The following DDX39B variants were observed in gnomAD, a reference collection of about 807,000 sequenced individuals.
The protein encoded by DDX39B is spliceosome RNA helicase DDX39B.
A neutral mutation model predicts 46.4 loss-of-function variants in DDX39B; 6 were observed. That is an observed-to-expected ratio of 0.13 (90% CI 0.07 to 0.26). The LOEUF (loss-of-function observed/expected upper bound fraction) is 0.26. DDX39B is among the 10% of genes least tolerant of loss of function. The probability of loss-of-function intolerance (pLI) is 1.00; values close to 1 mark genes in which losing one functional copy is unlikely to be tolerated. For missense variants in DDX39B, 185 were observed against 553.4 expected (o/e 0.33, Z 6.68); for synonymous variants, 174 against 199.4 (o/e 0.87, Z 1.07).
In DDX39B at chr6:31,531,672, A is replaced by C. The variant is rs924951102; in HGVS notation, c.868-267T>G. On this transcript the variant is annotated intron_variant, in intron 7 of 10. Coordinates refer to ENST00000396172, the MANE Select transcript of DDX39B (RefSeq NM_004640.7). The surrounding 1 kb of genome is among the most constrained non-coding windows in gnomAD (Gnocchi z 5.8). ...AGACATGCTAGGAGATGAGGATGAGATCACCTCATGAAAAAGTGATAAAAA... is the reference window on the plus strand; with the variant it reads ...AGACATGCTAGGAGATGAGGATGAGCTCACCTCATGAAAAAGTGATAAAAA... 4 of 489,818 alleles carry C rather than the reference A, an allele frequency of 8.2e-6. No homozygotes were observed. Among genetic ancestry groups the C allele is most frequent in the Non-Finnish European group, 1.4e-5 (4 of 277,306 alleles). The allele number at this position is 489,818 out of a possible 1,614,324, so 30.3% of individuals were successfully genotyped here. A position where few individuals can be genotyped will look rare whatever the true frequency, so the allele number is the denominator to read the frequency against.
chr6:31,537,208 T>C (rs1240783439), intron 4 of DDX39B, among the ~76,000 whole-genome samples: 1 of 152,162 alleles, frequency 6.6e-6, no homozygotes, highest in Non-Finnish European at 1.5e-5. Context: ...AGTGGATCAC[T>C]TGAAGCCAGG....
Position 31,530,332 on chromosome 6 carries a change from G to C in DDX39B, c.*102C>G. On this transcript the variant is annotated 3_prime_UTR_variant, in exon 11 of 11. Coordinates refer to ENST00000396172, the MANE Select transcript of DDX39B (RefSeq NM_004640.7). The surrounding 1 kb of genome is among the most constrained non-coding windows in gnomAD (Gnocchi z 4.5). Reference sequence around the variant, plus strand: ...GTGATGCAAAAGATGGAAGCCATGGGGTGGGGGCTGTCAGGGGTGGGGGCA... The same window carrying C: ...GTGATGCAAAAGATGGAAGCCATGGCGTGGGGGCTGTCAGGGGTGGGGGCA... The C allele has an allele frequency of 7.2e-7, 1 of 1,386,188 alleles. No individual in the cohort carries two copies. The highest frequency in any genetic ancestry group is 1.0e-6 in the Non-Finnish European group (1 of 999,810). The allele number at this position is 1,386,188 out of a possible 1,614,324, so 85.9% of individuals were successfully genotyped here. A position where few individuals can be genotyped will look rare whatever the true frequency, so the allele number is the denominator to read the frequency against.
chr6:31,532,326 T>C (rs1168557337), intron 7 of DDX39B: 1 of 158,608 alleles, frequency 6.3e-6, no homozygotes, highest in East Asian at 1.9e-4. Flanking sequence ...GCAGCCTCAA[T>C]TTCCTGGGCT....
In DDX39B at chr6:31,535,527, G is replaced by C. The variant is rs1021311483; in HGVS notation, c.617-42C>G. On this transcript the variant is annotated intron_variant, in intron 5 of 10. Coordinates refer to ENST00000396172, the MANE Select transcript of DDX39B (RefSeq NM_004640.7). The surrounding 1 kb of genome is among the most constrained non-coding windows in gnomAD (Gnocchi z 4.6). Reference sequence around the variant, plus strand: ...AAAAATTGTAGGAGAAAATAAGCAGGTATGATAAACAAAGATTAGAGGTAG... The same window carrying C: ...AAAAATTGTAGGAGAAAATAAGCAGCTATGATAAACAAAGATTAGAGGTAG... 4 of 1,530,772 alleles carry C rather than the reference G, an allele frequency of 2.6e-6. No homozygotes were observed. In the Admixed American group the frequency reaches 5.1e-5, roughly 19 times the overall value. The allele number at this position is 1,530,772 out of a possible 1,614,324, so 94.8% of individuals were successfully genotyped here.
chr6:31,540,268 G>A, intron 2 of DDX39B, 54 bp downstream of exon 2: 2 of 1,568,222 alleles, frequency 1.3e-6, no homozygotes, highest in East Asian at 2.2e-5. Flanking sequence ...ACACATCTTT[G>A]TATTGTACCC....
intron 1 of DDX39B, chr6:31,540,943 G>A (rs1768349053): frequency 7.2e-6 from 3 of 415,628 alleles, no homozygotes; most frequent in South Asian, 6.0e-5. Context: ...TGATCTGAAA[G>A]TAACAGTGAG....
rs373156900 is a variant in DDX39B at position 31,536,395 on chromosome 6, G to A, written c.616+105C>T. 2.2e-4 allele frequency: 340 copies of A among 1,520,278 alleles called. 1 individual carries two copies. The highest frequency in any genetic ancestry group is 2.7e-4 in the South Asian group (24 of 88,946). The allele number at this position is 1,520,278 out of a possible 1,614,324, so 94.2% of individuals were successfully genotyped here. The stretch of plus-strand genomic sequence containing the variant: ...CCAGAGCCATCAGTCATGGGTGATA[G>A]ATAAGAGTCGTCCTTGCACTGAGGT... On this transcript the variant is annotated intron_variant, in intron 5 of 10. Transcript: ENST00000396172.
intron 3 of DDX39B, 24 bp downstream of exon 3, chr6:31,539,123 C>T (rs1157102429): frequency 2.5e-6 from 4 of 1,613,158 alleles, no homozygotes; most frequent in Admixed American, 3.3e-5. Flanking sequence ...AAAATCCCCT[C>T]CCCAGCACTC....
chr6:31,541,590 G>A (rs774870237), intron 1 of DDX39B: 1 of 469,120 alleles, frequency 2.1e-6, no homozygotes, highest in African/African-American at 2.0e-5. Flanking sequence ...AAGAGCTCAA[G>A]AAAGGACAAG....
intron 1 of DDX39B, chr6:31,541,324 C>T (rs1368995362): frequency 2.4e-6 from 1 of 417,550 alleles, no homozygotes; most frequent in African/African-American, 2.1e-5. Context: ...TTCATGTCTC[C>T]ACCCTACAAT....
chr6:31,535,069 ATCCTGCCCTCCCCC>A lies in DDX39B; in HGVS notation c.735+284_735+297del. ...GATGGGTGGGTGGTAGGGCAGAAAA[ATCCTGCCCTCCCCC>A]AAAGGGAGAAGAGGTTCAAAAATGT... On this transcript the variant is annotated intron_variant, in intron 6 of 10. Transcript: ENST00000396172. This position sits in a 1 kb window ranked among gnomAD's most constrained non-coding sequence, Gnocchi z 4.6. 1 of 451,134 alleles carries A rather than the reference ATCCTGCCCTCCCCC, an allele frequency of 2.2e-6. No individual in the cohort carries two copies. The highest frequency in any genetic ancestry group is 4.1e-5 in the East Asian group (1 of 24,276). 27.9% of individuals were successfully genotyped at this position (451,134 alleles called of 1,614,324 possible).
At chr6:31,537,126 T>G (rs1767872409) in intron 4 of DDX39B, among the ~76,000 whole-genome samples, 1 of 150,684 alleles carries the variant, frequency 6.6e-6, no homozygotes, top group Non-Finnish European at 1.5e-5. Flanking sequence ...AGAAATAAAA[T>G]AAATAAAAAT....
At chr6:31,540,295 G>A (rs1024212444) in intron 2 of DDX39B, 27 bp downstream of exon 2, 2 of 1,609,270 alleles carry the variant, frequency 1.2e-6, no homozygotes, top group Non-Finnish European at 1.7e-6. Flanking sequence ...AGCCCAATGA[G>A]CACTACATGC....
At position 31,531,408 on chromosome 6, in the gene DDX39B, G is replaced by A. The variant is rs780675216; in HGVS notation, c.868-3C>T. ...ACAGACTTCACAAAGATCACCACCT[G>A]TTGTGGGGTGGGGTGGGGGGTCGCA... On this transcript the variant is annotated splice_region_variant and splice_polypyrimidine_tract_variant and intron_variant, in intron 7 of 10. Coordinates refer to ENST00000396172, the MANE Select transcript of DDX39B (RefSeq NM_004640.7). This position sits in a 1 kb window ranked among gnomAD's most constrained non-coding sequence, Gnocchi z 5.8. The A allele has an allele frequency of 3.8e-5, 61 of 1,613,846 alleles. No homozygotes were observed. Among genetic ancestry groups the A allele is most frequent in the Admixed American group, 1.7e-4 (10 of 59,992 alleles).
chr6:31,536,355 G>A (rs1333215047), intron 5 of DDX39B, 145 bp downstream of exon 5: 12 of 1,184,876 alleles, frequency 1.0e-5, no homozygotes, highest in Non-Finnish European at 1.5e-5. Flanking sequence ...GCATAATAAA[G>A]ACCAACCAGG....
chr6:31,541,097 C>G, intron 1 of DDX39B: 2 of 533,588 alleles, frequency 3.7e-6, no homozygotes, highest in Non-Finnish European at 7.7e-6. Flanking sequence ...ATGCCTAACT[C>G]AGCAGCCATC....
chr6:31,540,894 C>T lies in DDX39B; in HGVS notation c.-132-230G>A, dbSNP rs557623102. On this transcript the variant is annotated intron_variant, in intron 1 of 10. Transcript: ENST00000396172. Reference sequence around the variant, plus strand: ...AGATTAGCAATCACAGTAGCGGAAACCAGAAAAGTTGGAAGGGGAAGACCA... The same window carrying T: ...AGATTAGCAATCACAGTAGCGGAAATCAGAAAAGTTGGAAGGGGAAGACCA... 11 of 404,460 alleles carry T rather than the reference C, an allele frequency of 2.7e-5. 1 individual carries two copies. The East Asian group carries it at 4.2e-4, about 16-fold the overall frequency. 25.1% of individuals were successfully genotyped at this position (404,460 alleles called of 1,614,324 possible).
At chr6:31,532,711 T>G in intron 7 of DDX39B, 69 bp downstream of exon 7, 2 of 1,572,096 alleles carry the variant, frequency 1.3e-6, no homozygotes, top group Non-Finnish European at 8.7e-7. Context: ...AAAAGTGTAC[T>G]TAATATCCAG....
Position 31,530,599 on chromosome 6 carries a change from A to C in DDX39B, c.1271-149T>G. On this transcript the variant is annotated intron_variant, in intron 10 of 10. Transcript: ENST00000396172. The surrounding 1 kb of genome is among the most constrained non-coding windows in gnomAD (Gnocchi z 4.5). ...GGAAGGGATGTAATATGATGAGAGA[A>C]GACAAGACACCCCACATAAAGGTCA... 6 of 1,206,076 alleles carry C rather than the reference A, an allele frequency of 5.0e-6. No homozygotes were observed. The highest frequency in any genetic ancestry group is 6.7e-6 in the Non-Finnish European group (6 of 897,618). The allele number at this position is 1,206,076 out of a possible 1,614,324, so 74.7% of individuals were successfully genotyped here.
Sources: gnomAD v4.1 joint callset for allele counts (sites outside exome capture counted in the v4.1 genomes callset) on GRCh38, gnomAD v4.1.1 for gene constraint, Gnocchi (gnomAD v3.1) non-coding constraint, MANE v1.5 for transcripts, NCBI Gene and HGNC (gene_info 2026-07-23, HGNC 2026-07-21) for gene names.